ERC2: variants seen among roughly 807,000 people sequenced by gnomAD.
ERC2 encodes the protein ELKS/RAB6-interacting/CAST family member 2, also known as ERC protein 2.
A neutral mutation model predicts 114.8 loss-of-function variants in ERC2; 42 were observed. That is an observed-to-expected ratio of 0.37 (90% CI 0.29 to 0.47). ERC2 has a LOEUF of 0.47. Among genes scored for constraint, ERC2 ranks in the 20% least tolerant of loss-of-function variants. ERC2 has a pLI of 0.99. For missense variants in ERC2, 939 were observed against 1,150.7 expected, an observed-to-expected ratio of 0.82 and a Z score of 2.66; for synonymous variants, 454 against 425.5, an observed-to-expected ratio of 1.07 and a Z score of -0.82.
chr3:56,392,911 C>T (rs187356071), intron 2 of ERC2, among the ~76,000 whole-genome samples: 30 of 152,256 alleles, frequency 2.0e-4, no homozygotes, highest in East Asian at 5.8e-4. Flanking sequence ...GATACGGCCA[C>T]GACCACCCTC....
chr3:56,218,712 T>C (rs2049680907), intron 3 of ERC2, among the ~76,000 whole-genome samples: 1 of 152,110 alleles, frequency 6.6e-6, no homozygotes, highest in South Asian at 2.1e-4. Flanking sequence ...GCGGCACTAT[T>C]ACAATAGCAA....
chr3:56,229,951 C>T (rs1487884182), intron 3 of ERC2, among the ~76,000 whole-genome samples: 6 of 148,960 alleles, frequency 4.0e-5, no homozygotes, highest in African/African-American at 9.9e-5. Flanking sequence ...AGCTCACCTC[C>T]GCCTTCTGGG....
chr3:56,463,038 G>A (rs2063386923), intron 1 of ERC2, among the ~76,000 whole-genome samples: 1 of 152,090 alleles, frequency 6.6e-6, no homozygotes, highest in South Asian at 2.1e-4. Context: ...ACCAGCCTGG[G>A]CAACATGGGG....
chr3:55,777,614 G>A (rs925740980), intron 14 of ERC2, among the ~76,000 whole-genome samples: 7 of 152,196 alleles, frequency 4.6e-5, no homozygotes, highest in African/African-American at 1.7e-4. Context: ...AAGATGTAAT[G>A]TTATGGAGTA....
intron 17 of ERC2, among the ~76,000 whole-genome samples, chr3:55,567,863 C>T (rs941726806): frequency 2.0e-5 from 3 of 152,106 alleles, no homozygotes; most frequent in African/African-American, 4.8e-5. Context: ...GGAAAATTTC[C>T]TTCCGGCCTT....
At chr3:56,070,733 A>G (rs1165722671) in intron 7 of ERC2, among the ~76,000 whole-genome samples, 1 of 152,244 alleles carries the variant, frequency 6.6e-6, no homozygotes, top group Non-Finnish European at 1.5e-5. Flanking sequence ...ATTATAAAAT[A>G]TATTTGATTG....
intron 9 of ERC2, 29 bp downstream of exon 9, chr3:56,010,420 A>T (rs763566619): frequency 2.5e-6 from 4 of 1,609,218 alleles, no homozygotes; most frequent in South Asian, 1.1e-5. Context: ...AGGACTATCA[A>T]TGTGGTTCAT....
At chr3:55,660,301 G>A (rs1429129915) in intron 17 of ERC2, among the ~76,000 whole-genome samples, 1 of 152,136 alleles carries the variant, frequency 6.6e-6, no homozygotes. Context: ...TGATCTTTAT[G>A]TCCAAGTTAT....
intron 13 of ERC2, among the ~76,000 whole-genome samples, chr3:55,891,154 G>A (rs2063578805): frequency 6.6e-6 from 1 of 152,098 alleles, no homozygotes; most frequent in African/African-American, 2.4e-5. Context: ...CTTTGAATTG[G>A]GTGTGGCTTT....
intron 6 of ERC2, among the ~76,000 whole-genome samples, chr3:56,134,920 GTTTTT>G (rs147281232): frequency 1.4e-5 from 2 of 143,046 alleles, no homozygotes; most frequent in Non-Finnish European, 3.0e-5. Flanking sequence ...CTTTTTTTTT[GTTTTT>G]TTTTGTTTTT....
At chr3:56,154,213 G>A (rs541839825) in intron 4 of ERC2, among the ~76,000 whole-genome samples, 1 of 152,212 alleles carries the variant, frequency 6.6e-6, no homozygotes, top group East Asian at 1.9e-4. Context: ...ACTCCAGAAA[G>A]AAGTTGACTT....
chr3:56,081,193 T>TA (rs35897220), intron 6 of ERC2, among the ~76,000 whole-genome samples: 87,064 of 150,460 alleles, frequency 0.58, 27,478 homozygotes, highest in East Asian at 0.74. Context: ...AGTGATACTT[T>TA]AAAAAAAAAA....
chr3:56,454,063 T>A (rs1213521628), intron 1 of ERC2, among the ~76,000 whole-genome samples: 1 of 152,156 alleles, frequency 6.6e-6, no homozygotes, highest in African/African-American at 2.4e-5. Flanking sequence ...GACTTACAGA[T>A]TGCACCAACT....
intron 17 of ERC2, among the ~76,000 whole-genome samples, chr3:55,622,401 T>C (rs2059365629): frequency 6.6e-6 from 1 of 152,190 alleles, no homozygotes; most frequent in Admixed American, 6.5e-5. Context: ...ATGTGATTTT[T>C]TCCTTGTGTT....
At chr3:55,822,957 C>A (rs2060189888) in intron 14 of ERC2, among the ~76,000 whole-genome samples, 1 of 152,140 alleles carries the variant, frequency 6.6e-6, no homozygotes, top group Admixed American at 6.5e-5. Flanking sequence ...CTCGTCATGG[C>A]AAACCCCTTC....
intron 7 of ERC2, among the ~76,000 whole-genome samples, chr3:56,057,728 G>A (rs943218030): frequency 1.3e-5 from 2 of 152,018 alleles, no homozygotes; most frequent in Admixed American, 6.6e-5. Context: ...TAGGCACTTG[G>A]GATACGTCAG....
intron 13 of ERC2, among the ~76,000 whole-genome samples, chr3:55,902,646 C>T (rs149017634): frequency 1.7e-3 from 265 of 152,312 alleles, no homozygotes; most frequent in Middle Eastern, 3.4e-3. Flanking sequence ...AAGAGTAGAT[C>T]CGCTAAACCT....
At chr3:56,194,444 T>G (rs1575771059) in intron 3 of ERC2, among the ~76,000 whole-genome samples, 1 of 151,852 alleles carries the variant, frequency 6.6e-6, no homozygotes, top group Non-Finnish European at 1.5e-5. Context: ...GGAGACAGAG[T>G]GAGACCGTCT....
chr3:55,833,681 C>A (rs1239624808), intron 14 of ERC2, among the ~76,000 whole-genome samples: 3 of 152,174 alleles, frequency 2.0e-5, no homozygotes, highest in African/African-American at 7.2e-5. Flanking sequence ...ACCATCGAGG[C>A]TAGGAAGAAA....
Sources: gnomAD v4.1 joint callset for allele counts (sites outside exome capture counted in the v4.1 genomes callset) on GRCh38, gnomAD v4.1.1 for gene constraint, MANE v1.5 for transcripts, NCBI Gene and HGNC (gene_info 2026-07-23, HGNC 2026-07-21) for gene names.